The following PTPRG variants were observed in gnomAD, a reference collection of about 807,000 sequenced individuals.
PTPRG encodes receptor-type tyrosine-protein phosphatase gamma.
In PTPRG, 102 loss-of-function variants were observed where a neutral mutation model predicts 165.3. The ratio of observed to expected loss-of-function variants is 0.62; its 90% CI spans 0.53 to 0.73. The LOEUF (loss-of-function observed/expected upper bound fraction) is 0.73. Among genes scored for constraint, PTPRG ranks in the 30% least tolerant of loss-of-function variants. PTPRG has a pLI of 0.00. For missense variants in PTPRG, 1,866 were observed against 1,861.4 expected (o/e 1.00, Z -0.05); for synonymous variants, 675 against 669.5 (o/e 1.01, Z -0.13).
At chr3:61,888,275 CCTTTA>C (rs1195318840) in intron 2 of PTPRG, among the ~76,000 whole-genome samples, 2 of 151,242 alleles carry the variant, frequency 1.3e-5, no homozygotes, top group Non-Finnish European at 2.9e-5. Flanking sequence ...GTATTATGCC[CCTTTA>C]CTTTTAAATA....
chr3:61,992,710 C>T (rs576110993), intron 3 of PTPRG, among the ~76,000 whole-genome samples: 14 of 152,254 alleles, frequency 9.2e-5, no homozygotes, highest in Admixed American at 5.9e-4. Flanking sequence ...TTAGTAGAGA[C>T]AGGATTTCAC....
chr3:62,030,546 G>T (rs1426230052), intron 4 of PTPRG, among the ~76,000 whole-genome samples: 1 of 152,150 alleles, frequency 6.6e-6, no homozygotes, highest in Admixed American at 6.5e-5. Context: ...TATTGGTAAA[G>T]GGAATTACAC....
At chr3:61,792,123 T>C (rs1470506362) in intron 2 of PTPRG, among the ~76,000 whole-genome samples, 1 of 152,040 alleles carries the variant, frequency 6.6e-6, no homozygotes, top group Admixed American at 6.6e-5. Context: ...AGATCTGTAA[T>C]CTTGTAGTTG....
At chr3:61,732,501 C>T (rs1050178772) in intron 1 of PTPRG, among the ~76,000 whole-genome samples, 5 of 149,270 alleles carry the variant, frequency 3.3e-5, no homozygotes, top group East Asian at 2.0e-4. Flanking sequence ...GGCATGAACC[C>T]GGGAGGCGGA....
At chr3:61,856,988 G>C (rs1410417094) in intron 2 of PTPRG, among the ~76,000 whole-genome samples, 1 of 151,954 alleles carries the variant, frequency 6.6e-6, no homozygotes, top group Non-Finnish European at 1.5e-5. Flanking sequence ...CTCTACATGA[G>C]GCTCCTTTAT....
At chr3:62,268,952 T>G (rs1559734570) in intron 19 of PTPRG, 83 bp from the exon 20 acceptor site, 3 of 1,380,102 alleles carry the variant, frequency 2.2e-6, no homozygotes, top group Non-Finnish European at 2.9e-6. Flanking sequence ...ACCTGTGTTT[T>G]AACATTGTCG....
At chr3:62,166,556 G>A (rs1051241364) in intron 7 of PTPRG, among the ~76,000 whole-genome samples, 3 of 151,906 alleles carry the variant, frequency 2.0e-5, no homozygotes, top group South Asian at 4.2e-4. Context: ...GGCTGGTCTC[G>A]AACTCCTGAC....
At chr3:62,025,840 T>C (rs989872392) in intron 4 of PTPRG, among the ~76,000 whole-genome samples, 1 of 152,252 alleles carries the variant, frequency 6.6e-6, no homozygotes, top group African/African-American at 2.4e-5. Flanking sequence ...AGAAAATCTC[T>C]AGCAGTGGCT....
chr3:62,196,634 G>A (rs1699970340), intron 10 of PTPRG, among the ~76,000 whole-genome samples: 2 of 152,256 alleles, frequency 1.3e-5, no homozygotes, highest in Admixed American at 1.3e-4. Context: ...GACCAGCATG[G>A]AAGTAGGGAC....
chr3:62,296,821 A>G lies in PTPRG; in HGVS notation c.*3514A>G, dbSNP rs1020276192. ...GCCTCTACTTTGTCTTAGCTGTTAA[A>G]CTGTTTTTAGTATTTTTGTTAAATA... On this transcript the variant is annotated 3_prime_UTR_variant, in exon 30 of 30. Transcript: ENST00000474889. 3.3e-5 allele frequency: 5 copies of G among 152,046 alleles called. No homozygotes were observed. The highest frequency in any genetic ancestry group is 1.2e-4 in the African/African-American group (5 of 41,410). 9.4% of individuals were successfully genotyped at this position (152,046 alleles called of 1,614,324 possible).
chr3:61,656,491 G>C (rs1463585063), intron 1 of PTPRG, among the ~76,000 whole-genome samples: 1 of 152,226 alleles, frequency 6.6e-6, no homozygotes, highest in Non-Finnish European at 1.5e-5. Flanking sequence ...CCAGAGCAAA[G>C]AAGAGACACA....
At chr3:62,103,037 A>C (rs1702345313) in intron 5 of PTPRG, among the ~76,000 whole-genome samples, 1 of 152,188 alleles carries the variant, frequency 6.6e-6, no homozygotes, top group Non-Finnish European at 1.5e-5. Flanking sequence ...ATCTTTTATG[A>C]CATCCTGCTT....
At chr3:61,946,893 G>T (rs975381778) in intron 2 of PTPRG, among the ~76,000 whole-genome samples, 4 of 152,142 alleles carry the variant, frequency 2.6e-5, no homozygotes, top group Non-Finnish European at 2.9e-5. Context: ...TTGAAAATCA[G>T]TGAAAACATT....
chr3:62,095,351 G>C (rs1486193340), intron 5 of PTPRG, among the ~76,000 whole-genome samples: 3 of 152,168 alleles, frequency 2.0e-5, no homozygotes, highest in African/African-American at 7.2e-5. Flanking sequence ...TTGCAGCCTC[G>C]CTGTGGACTT....
intron 2 of PTPRG, among the ~76,000 whole-genome samples, chr3:61,843,380 A>G (rs1345171105): frequency 2.0e-5 from 3 of 152,194 alleles, no homozygotes; most frequent in South Asian, 2.1e-4. Flanking sequence ...ACACACATAC[A>G]TACACACGGA....
chr3:62,204,761 G>A (rs1235380309), intron 12 of PTPRG, among the ~76,000 whole-genome samples: 2 of 152,188 alleles, frequency 1.3e-5, no homozygotes, highest in African/African-American at 4.8e-5. Context: ...CTGTGGGAAT[G>A]AGCCAGTGTA....
chr3:61,602,678 T>C (rs1380062202), intron 1 of PTPRG, among the ~76,000 whole-genome samples: 1 of 152,174 alleles, frequency 6.6e-6, no homozygotes, highest in Non-Finnish European at 1.5e-5. Context: ...GGGCTTAGTT[T>C]TGCAGCCCAT....
At chr3:61,774,363 A>G (rs1358707435) in intron 2 of PTPRG, among the ~76,000 whole-genome samples, 1 of 152,204 alleles carries the variant, frequency 6.6e-6, no homozygotes, top group Non-Finnish European at 1.5e-5. Context: ...CGATTGCATG[A>G]ATATAAGTAC....
At chr3:61,871,158 GTGTTGTGTTATGTTA>G (rs1201383512) in intron 2 of PTPRG, among the ~76,000 whole-genome samples, 6,283 of 125,884 alleles carry the variant, frequency 0.05, 164 homozygotes, top group South Asian at 0.057. Context: ...GTGTTGTGTT[GTGTTGTGTTATGTTA>G]TGTTATGTTA....
Sources: allele counts gnomAD v4.1 joint callset (sites outside exome capture counted in the v4.1 genomes callset), GRCh38; gene constraint gnomAD v4.1.1; transcripts MANE v1.5; gene names NCBI Gene and HGNC (gene_info 2026-07-23, HGNC 2026-07-21).